GTF2F2: variants seen among roughly 807,000 people sequenced by gnomAD.
GTF2F2 encodes the protein ATP-dependent helicase GTF2F2.
A neutral mutation model predicts 42.2 loss-of-function variants in GTF2F2; 23 were observed. The ratio of observed to expected loss-of-function variants is 0.55; its 90% CI spans 0.39 to 0.77. GTF2F2 has a LOEUF of 0.77. Ranked by LOEUF, GTF2F2 falls within the 30% of genes least tolerant of loss-of-function variation. GTF2F2 has a pLI of 0.00. For synonymous variants in GTF2F2, 105 were observed against 100.8 expected (o/e 1.04, Z -0.25); for missense variants, 261 against 287.2 (o/e 0.91, Z 0.66).
intron 2 of GTF2F2, among the ~76,000 whole-genome samples, chr13:45,143,035 TAA>T (rs1241891306): frequency 1.3e-5 from 2 of 152,154 alleles, no homozygotes; most frequent in Admixed American, 6.5e-5. Context: ...GTGCTGCACT[TAA>T]AGAGAGACAT....
intron 5 of GTF2F2, among the ~76,000 whole-genome samples, chr13:45,215,246 A>G (rs1873841032): frequency 6.6e-6 from 1 of 152,252 alleles, no homozygotes; most frequent in African/African-American, 2.4e-5. Flanking sequence ...TGCTGTTCCA[A>G]GAAGTATAAG....
chr13:45,191,224 A>AAAAAAAAAATAT, intron 4 of GTF2F2, among the ~76,000 whole-genome samples: 7 of 75,304 alleles, frequency 9.3e-5, no homozygotes, highest in African/African-American at 3.0e-4. Flanking sequence ...ACAAAAAAAA[A>AAAAAAAAAATAT]ATATATATAT....
chr13:45,248,619 G>A (rs1051898780), intron 5 of GTF2F2, among the ~76,000 whole-genome samples: 4 of 151,896 alleles, frequency 2.6e-5, no homozygotes, highest in African/African-American at 4.8e-5. Flanking sequence ...GATTACAGGC[G>A]CCTGCCACCA....
intron 1 of GTF2F2, among the ~76,000 whole-genome samples, chr13:45,121,500 C>T (rs1868630583): frequency 6.6e-6 from 1 of 152,178 alleles, no homozygotes; most frequent in Non-Finnish European, 1.5e-5. Flanking sequence ...TGGCTGAGTT[C>T]TCGTCAATTA....
chr13:45,247,200 A>C (rs1318619494), intron 5 of GTF2F2, among the ~76,000 whole-genome samples: 1 of 151,574 alleles, frequency 6.6e-6, no homozygotes, highest in Non-Finnish European at 1.5e-5. Context: ...AAATACAAAA[A>C]ATAAAATAAA....
chr13:45,128,584 ATTTATTTTAT>A (rs1328678588), intron 1 of GTF2F2, among the ~76,000 whole-genome samples: 1 of 150,952 alleles, frequency 6.6e-6, no homozygotes, highest in Non-Finnish European at 1.5e-5. Flanking sequence ...AAAAAATAAA[ATTTATTTTAT>A]TTTATTTTAT....
chr13:45,223,715 T>G (rs1004229307), intron 5 of GTF2F2, among the ~76,000 whole-genome samples: 7 of 152,202 alleles, frequency 4.6e-5, no homozygotes, highest in Non-Finnish European at 7.3e-5. Context: ...ATCCCCCATG[T>G]CAGCTCTAAA....
At chr13:45,212,506 T>TCTTTCTTC (rs1873719187) in intron 5 of GTF2F2, among the ~76,000 whole-genome samples, 1 of 106,368 alleles carries the variant, frequency 9.4e-6, no homozygotes, top group Non-Finnish European at 2.1e-5. Flanking sequence ...TTTCTTTCTT[T>TCTTTCTTC]CTTTTCTTTC....
chr13:45,225,907 T>G (rs1874328607), intron 5 of GTF2F2, among the ~76,000 whole-genome samples: 1 of 152,228 alleles, frequency 6.6e-6, no homozygotes, highest in African/African-American at 2.4e-5. Flanking sequence ...GAAGTTCAAT[T>G]TGAATTTCTT....
chr13:45,240,359 A>G (rs1875225866), intron 5 of GTF2F2, among the ~76,000 whole-genome samples: 1 of 152,104 alleles, frequency 6.6e-6, no homozygotes, highest in Non-Finnish European at 1.5e-5. Flanking sequence ...TAAAACAAAA[A>G]ACCCCTGGAA....
At chr13:45,155,997 T>A (rs1870739780) in intron 4 of GTF2F2, among the ~76,000 whole-genome samples, 1 of 152,166 alleles carries the variant, frequency 6.6e-6, no homozygotes. Context: ...TTAGAGGCAG[T>A]GTCTCACTGT....
At chr13:45,212,509 T>TTCTC (rs1873720858) in intron 5 of GTF2F2, among the ~76,000 whole-genome samples, 1 of 69,070 alleles carries the variant, frequency 1.4e-5, no homozygotes, top group Non-Finnish European at 3.2e-5. Context: ...CTTTCTTTCT[T>TTCTC]TTCTTTCTTT....
intron 7 of GTF2F2, among the ~76,000 whole-genome samples, chr13:45,280,942 C>G (rs1003753455): frequency 6.6e-6 from 1 of 152,204 alleles, no homozygotes; most frequent in Non-Finnish European, 1.5e-5. Context: ...TCATAATAAA[C>G]CATTCTTTGG....
At chr13:45,164,736 ATAG>A (rs1871192201) in intron 4 of GTF2F2, among the ~76,000 whole-genome samples, 1 of 152,174 alleles carries the variant, frequency 6.6e-6, no homozygotes, top group South Asian at 2.1e-4. Context: ...GAAAAAAAAA[ATAG>A]TAGTTCCTTC....
At chr13:45,251,972 T>C (rs1449891135) in intron 5 of GTF2F2, among the ~76,000 whole-genome samples, 1 of 152,220 alleles carries the variant, frequency 6.6e-6, no homozygotes, top group South Asian at 2.1e-4. Flanking sequence ...TTTACTGTGC[T>C]GATATACCAA....
intron 2 of GTF2F2, among the ~76,000 whole-genome samples, chr13:45,143,992 C>T (rs987798529): frequency 2.0e-5 from 3 of 152,100 alleles, no homozygotes; most frequent in Non-Finnish European, 4.4e-5. Context: ...TGGCTCACAC[C>T]TGTAATCCTA....
intron 4 of GTF2F2, among the ~76,000 whole-genome samples, chr13:45,205,117 T>G (rs1873359941): frequency 6.6e-6 from 1 of 152,216 alleles, no homozygotes; most frequent in South Asian, 2.1e-4. Flanking sequence ...GGTAGCTATA[T>G]TAGTCCATTT....
At chr13:45,161,721 T>C (rs1397102968) in intron 4 of GTF2F2, among the ~76,000 whole-genome samples, 1 of 152,138 alleles carries the variant, frequency 6.6e-6, no homozygotes, top group Non-Finnish European at 1.5e-5. Flanking sequence ...TGAGTGCCTG[T>C]AATCCCGCCT....
intron 4 of GTF2F2, among the ~76,000 whole-genome samples, chr13:45,165,573 C>A (rs977843391): frequency 6.7e-6 from 1 of 150,178 alleles, no homozygotes; most frequent in African/African-American, 2.5e-5. Flanking sequence ...CCTCGCCCCC[C>A]CCCGCCGCCC....
Sources: gnomAD v4.1 joint callset for allele counts (sites outside exome capture counted in the v4.1 genomes callset) on GRCh38, gnomAD v4.1.1 for gene constraint, MANE v1.5 for transcripts, NCBI Gene and HGNC (gene_info 2026-07-23, HGNC 2026-07-21) for gene names.